Variants in PBX3 observed in about 807,000 individuals in gnomAD.
PBX3 encodes PBX homeobox 3, also known as pre-B-cell leukemia transcription factor 3.
PBX3 carries 14 observed loss-of-function variants against 48.5 expected under a neutral mutation model. That is an observed-to-expected ratio of 0.29 (90% CI 0.19 to 0.45). The LOEUF is 0.45. PBX3 is among the 20% of genes least tolerant of loss of function. PBX3 has a pLI of 1.00. For missense variants in PBX3, 386 were observed against 546.7 expected (o/e 0.71, Z 2.93); for synonymous variants, 210 against 200.3 (o/e 1.05, Z -0.41).
intron 5 of PBX3, chr9:125,949,266 G>A: frequency 3.7e-6 from 5 of 1,339,922 alleles, no homozygotes; most frequent in Non-Finnish European, 4.1e-6. Flanking sequence ...GGATTCAGGG[G>A]TTAATGAAAT....
At chr9:125,824,154 AACT>A (rs2132168549) in intron 2 of PBX3, among the ~76,000 whole-genome samples, 1 of 152,284 alleles carries the variant, frequency 6.6e-6, no homozygotes, top group African/African-American at 2.4e-5. Context: ...CTCTGTATAC[AACT>A]ACTATTATTA....
chr9:125,790,917 T>A (rs868423496), intron 2 of PBX3, among the ~76,000 whole-genome samples: 22 of 146,372 alleles, frequency 1.5e-4, no homozygotes, highest in East Asian at 3.9e-4. Context: ...ACCCTAATAT[T>A]TTTTTTTTTT....
intron 2 of PBX3, among the ~76,000 whole-genome samples, chr9:125,808,083 T>C (rs1054292493): frequency 2.6e-5 from 4 of 152,236 alleles, no homozygotes; most frequent in African/African-American, 9.6e-5. Flanking sequence ...GTCTACTTTC[T>C]AGACCTTCAA....
intron 3 of PBX3, among the ~76,000 whole-genome samples, chr9:125,924,337 A>G (rs1476442721): frequency 6.6e-6 from 1 of 152,224 alleles, no homozygotes; most frequent in Non-Finnish European, 1.5e-5. Context: ...CTGCTTCTAC[A>G]GTCAACTGTT....
intron 2 of PBX3, among the ~76,000 whole-genome samples, chr9:125,915,288 G>A (rs1841300712): frequency 6.6e-6 from 1 of 152,126 alleles, no homozygotes; most frequent in Admixed American, 6.5e-5. Context: ...ACCTTTGGAT[G>A]AGTTGTTTTA....
chr9:125,965,943 C>A lies in PBX3; in HGVS notation c.*20C>A. ...AACTAATCTCTGGCCACACTTTTCC[C>A]TGAGCTACATGCCTTGATAAGTGCA... On this transcript the variant is annotated 3_prime_UTR_variant, in exon 9 of 9. Coordinates refer to ENST00000373489, the MANE Select transcript of PBX3 (RefSeq NM_006195.6). 1 of 1,580,706 alleles carries A rather than the reference C, an allele frequency of 6.3e-7. No homozygotes were observed. Among genetic ancestry groups the A allele is most frequent in the Non-Finnish European group, 8.7e-7 (1 of 1,149,510 alleles).
intron 2 of PBX3, among the ~76,000 whole-genome samples, chr9:125,818,813 T>C (rs1196287307): frequency 3.3e-5 from 5 of 152,026 alleles, no homozygotes; most frequent in African/African-American, 1.2e-4. Context: ...TTATTTTTAT[T>C]ATTTTGAAGA....
chr9:125,755,096 G>A (rs976450228), intron 2 of PBX3, among the ~76,000 whole-genome samples: 1 of 151,852 alleles, frequency 6.6e-6, no homozygotes, highest in Non-Finnish European at 1.5e-5. Context: ...TTTTTTGTTT[G>A]TTTTGTTTTC....
chr9:125,801,583 A>C (rs1837945879), intron 2 of PBX3, among the ~76,000 whole-genome samples: 1 of 152,138 alleles, frequency 6.6e-6, no homozygotes, highest in South Asian at 2.1e-4. Context: ...TTCCTGATAA[A>C]GATTTTTTGC....
At chr9:125,848,494 A>G (rs1839490287) in intron 2 of PBX3, among the ~76,000 whole-genome samples, 1 of 151,982 alleles carries the variant, frequency 6.6e-6, no homozygotes, top group African/African-American at 2.4e-5. Context: ...TGGTAGATGC[A>G]TAGTAAGTAT....
At chr9:125,823,445 G>A (rs1489612841) in intron 2 of PBX3, among the ~76,000 whole-genome samples, 6 of 152,024 alleles carry the variant, frequency 3.9e-5, no homozygotes. Flanking sequence ...TCATCTTAAT[G>A]CTGATTTCAA....
chr9:125,917,926 A>G (rs1195213490), intron 3 of PBX3, among the ~76,000 whole-genome samples: 1 of 152,204 alleles, frequency 6.6e-6, no homozygotes, highest in Admixed American at 6.5e-5. Context: ...GTATGTAAAA[A>G]TCCCACTTTC....
intron 2 of PBX3, among the ~76,000 whole-genome samples, chr9:125,862,615 G>T (rs1470857160): frequency 6.6e-6 from 1 of 152,076 alleles, no homozygotes; most frequent in Non-Finnish European, 1.5e-5. Context: ...TCGATCTCCT[G>T]ACCTCGTGAT....
At chr9:125,907,618 G>T (rs1235858029) in intron 2 of PBX3, among the ~76,000 whole-genome samples, 1 of 151,984 alleles carries the variant, frequency 6.6e-6, no homozygotes, top group Non-Finnish European at 1.5e-5. Context: ...TGAACCAGGG[G>T]ACCTTCTACA....
chr9:125,936,268 A>G (rs1479011581), intron 5 of PBX3, among the ~76,000 whole-genome samples: 1 of 152,214 alleles, frequency 6.6e-6, no homozygotes, highest in African/African-American at 2.4e-5. Context: ...AGGATTGGAA[A>G]CAAATAAATT....
intron 2 of PBX3, among the ~76,000 whole-genome samples, chr9:125,853,018 C>T (rs1454156140): frequency 6.6e-6 from 1 of 152,040 alleles, no homozygotes; most frequent in African/African-American, 2.4e-5. Flanking sequence ...ATTTCTCTCT[C>T]AGTGTCTAAA....
chr9:125,942,477 G>A (rs1479328830), intron 5 of PBX3, among the ~76,000 whole-genome samples: 3 of 152,060 alleles, frequency 2.0e-5, no homozygotes, highest in Non-Finnish European at 2.9e-5. Context: ...TTGTAAGTAA[G>A]ATTTCCTTAT....
chr9:125,902,437 G>A (rs1396332008), intron 2 of PBX3, among the ~76,000 whole-genome samples: 1 of 151,576 alleles, frequency 6.6e-6, no homozygotes, highest in East Asian at 1.9e-4. Flanking sequence ...GATTTGACCT[G>A]CCAAGTATTA....
At chr9:125,923,581 T>C (rs1389400339) in intron 3 of PBX3, among the ~76,000 whole-genome samples, 1 of 152,186 alleles carries the variant, frequency 6.6e-6, no homozygotes, top group Admixed American at 6.5e-5. Context: ...TTATTTATTT[T>C]TTGAGACAGG....
Sources: gnomAD v4.1 joint callset for allele counts (sites outside exome capture counted in the v4.1 genomes callset) on GRCh38, gnomAD v4.1.1 for gene constraint, MANE v1.5 for transcripts, NCBI Gene and HGNC (gene_info 2026-07-23, HGNC 2026-07-21) for gene names.